The following ATP1A3 variants were observed in gnomAD, a reference collection of about 807,000 sequenced individuals.
ATP1A3 encodes the protein ATPase Na+/K+ transporting subunit alpha 3.
A neutral mutation model predicts 108.8 loss-of-function variants in ATP1A3; 12 were observed. The observed-to-expected ratio is 0.11, with a 90% CI of 0.07 to 0.18. The LOEUF (loss-of-function observed/expected upper bound fraction) is 0.18. Ranked by LOEUF, ATP1A3 falls within the 10% of genes least tolerant of loss-of-function variation. The pLI is 1.00. For synonymous variants in ATP1A3, 539 were observed against 564.5 expected (o/e 0.95, Z 0.64); for missense variants, 498 against 1,387.7 (o/e 0.36, Z 10.19).
At position 41,978,914 on chromosome 19, in the gene ATP1A3, C is replaced by T. The variant is rs976401564; in HGVS notation, c.1438-116G>A. ...GCCAGGATAGGCCCACACCAGGGCT[C>T]CCCCACACTCTCTCACAGAGACCTC... On this transcript the variant is annotated intron_variant, in intron 11 of 22. Coordinates refer to ENST00000648268, the MANE Select transcript of ATP1A3 (RefSeq NM_152296.5). The surrounding 1 kb of genome is among the most constrained non-coding windows in gnomAD (Gnocchi z 8.3). The T allele has an allele frequency of 1.1e-6, 1 of 901,588 alleles. No individual in the cohort carries two copies. The highest frequency in any genetic ancestry group is 1.7e-6 in the Non-Finnish European group (1 of 575,794). The allele number at this position is 901,588 out of a possible 1,614,324, so 55.8% of individuals were successfully genotyped here. A position where few individuals can be genotyped will look rare whatever the true frequency, so the allele number is the denominator to read the frequency against.
chr19:41,978,086 T>G lies in ATP1A3; in HGVS notation c.1807-14A>C, dbSNP rs1477588682. 5 of 1,614,218 alleles carry G rather than the reference T, an allele frequency of 3.1e-6. No homozygotes were observed. The African/African-American group carries it at 4.0e-5, about 13-fold the overall frequency. ...GACCATGATGACCTGCAGGCATTGTTTTTTAGGGATGGCCTCTCCCGCCCC... is the reference window on the plus strand; with the variant it reads ...GACCATGATGACCTGCAGGCATTGTGTTTTAGGGATGGCCTCTCCCGCCCC... On this transcript the variant is annotated splice_polypyrimidine_tract_variant and intron_variant, in intron 13 of 22. Coordinates refer to ENST00000648268, the MANE Select transcript of ATP1A3 (RefSeq NM_152296.5). This position sits in a 1 kb window ranked among gnomAD's most constrained non-coding sequence, Gnocchi z 8.3.
intron 14 of ATP1A3, among the ~76,000 whole-genome samples, chr19:41,977,305 A>G (rs752609145): frequency 2.4e-4 from 37 of 152,200 alleles, no homozygotes; most frequent in Non-Finnish European, 2.5e-4. Flanking sequence ...GATAGGAATT[A>G]TTAGTAGCCC....
At chr19:41,992,676 C>T (rs1050404964) in intron 1 of ATP1A3, among the ~76,000 whole-genome samples, 2 of 151,760 alleles carry the variant, frequency 1.3e-5, no homozygotes, top group Non-Finnish European at 2.9e-5. Context: ...CTCCATGTGT[C>T]TCAGCCATGT....
At chr19:41,993,313 C>G in intron 1 of ATP1A3, 1 of 1,401,200 alleles carries the variant, frequency 7.1e-7, no homozygotes, top group Non-Finnish European at 9.8e-7. Context: ...GACACAGAGG[C>G]AAGGACACAG....
chr19:41,986,019 G>T (rs782396015), intron 5 of ATP1A3, 21 bp from the exon 6 acceptor site: 2 of 1,614,110 alleles, frequency 1.2e-6, no homozygotes, highest in Admixed American at 1.7e-5. Context: ...ATGGAGTAAT[G>T]TCACCTCCCA....
In ATP1A3 at chr19:41,988,266, C is replaced by T. The variant is rs2075304729; in HGVS notation, c.153+52G>A. 1 of 1,613,586 alleles carries T rather than the reference C, an allele frequency of 6.2e-7. No homozygotes were observed. Among genetic ancestry groups the T allele is most frequent in the Admixed American group, 1.7e-5 (1 of 60,010 alleles). ...TCCCTCAGACCCAGGGGTCCTAGCC[C>T]CCAGCTCCTCCTCCCTAGTTCCCAG... On this transcript the variant is annotated intron_variant, in intron 3 of 22. Coordinates refer to ENST00000648268, the MANE Select transcript of ATP1A3 (RefSeq NM_152296.5). This position sits in a 1 kb window ranked among gnomAD's most constrained non-coding sequence, Gnocchi z 5.3.
rs1439299124 is a variant in ATP1A3, at chr19:41,967,319, G to A, written c.2943C>T (p.Ala981=). ...YPLKPSWWFC[A]FPYSFLIFVY... ...CGAAGATGAGGAAACTGTAGGGGAA[G>A]GCACAGAACCACCAGCTGGGCCTGC... is the stretch of plus-strand genomic sequence containing the variant. Residue 981 remains alanine (A), a synonymous_variant, in exon 22 of 23, where the codon GCC becomes GCT. Coordinates refer to ENST00000648268, the MANE Select transcript of ATP1A3 (RefSeq NM_152296.5). This position sits in a 1 kb window ranked among gnomAD's most constrained non-coding sequence, Gnocchi z 4.2. The A allele has an allele frequency of 5.7e-5, 91 of 1,610,532 alleles. No homozygotes were observed. Among genetic ancestry groups the A allele is most frequent in the Non-Finnish European group, 7.5e-5 (89 of 1,180,016 alleles).
At position 41,977,928 on chromosome 19, in the gene ATP1A3, T is replaced by A; in HGVS notation, c.1943+8A>T. The A allele has an allele frequency of 1.9e-6, 3 of 1,613,970 alleles. No homozygotes were observed. The highest frequency in any genetic ancestry group is 1.1e-5 in the South Asian group (1 of 91,074). On this transcript the variant is annotated splice_region_variant and intron_variant, in intron 14 of 22. Coordinates refer to ENST00000648268, the MANE Select transcript of ATP1A3 (RefSeq NM_152296.5). The stretch of plus-strand genomic sequence containing the variant: ...TGTCCAGGGCCCTGGCTGGGATGGG[T>A]GGCTCACCGGGGGTTAACCTGGCTG...
In ATP1A3 at chr19:41,988,065, G is replaced by T. The variant is rs782395510; in HGVS notation, c.228C>A (p.Thr76=). 9 of 1,614,060 alleles carry T rather than the reference G, an allele frequency of 5.6e-6. No homozygotes were observed. In the South Asian group the frequency reaches 9.9e-5, roughly 18 times the overall value. The change falls in exon 4 of 23, where the codon ACC becomes ACA. Residue 76 remains threonine, a synonymous_variant. Coordinates refer to ENST00000648268, the MANE Select transcript of ATP1A3 (RefSeq NM_152296.5). The surrounding 1 kb of genome is among the most constrained non-coding windows in gnomAD (Gnocchi z 5.3). ...GCCGGCAAAACTTGACCCACTCTGG[G>T]GTGGTAGGCGGTGGCGTGAGTGCGT... ...GPNALTPPPT[T]PEWVKFCRQL...
Position 41,981,555 on chromosome 19 carries a change from C to T in ATP1A3, c.1384G>A (p.Glu462Lys), listed in dbSNP as rs2075231792. 4 of 1,614,192 alleles carry T rather than the reference C, an allele frequency of 2.5e-6. No homozygotes were observed. Among genetic ancestry groups the T allele is most frequent in the Non-Finnish European group, 3.4e-6 (4 of 1,180,044 alleles). ...LSSGSVKLMR[E>K]RNKKVAEIPF... ...ATCTCAGCCACTTTCTTGTTGCGTTCACGCATCAGCTTCACGGAGCCAGAG... is the reference window on the plus strand; with the variant it reads ...ATCTCAGCCACTTTCTTGTTGCGTTTACGCATCAGCTTCACGGAGCCAGAG... Residue 462 changes from glutamate (E) to lysine (K), a missense_variant, in exon 11 of 23, where the codon GAA becomes AAA. By Grantham distance (56) the Glu-to-Lys change is moderately conservative (BLOSUM62 1). Around this residue, in one of 9 missense-constraint regions of ATP1A3, gnomAD observed 92 missense variants for 168.7 expected, o/e 0.55. Coordinates refer to ENST00000648268, the MANE Select transcript of ATP1A3 (RefSeq NM_152296.5). This position sits in a 1 kb window ranked among gnomAD's most constrained non-coding sequence, Gnocchi z 5.0.
At chr19:41,974,680 G>A (rs1464417194) in intron 16 of ATP1A3, among the ~76,000 whole-genome samples, 1 of 152,226 alleles carries the variant, frequency 6.6e-6, no homozygotes, top group Non-Finnish European at 1.5e-5. Context: ...TCTGGATGGC[G>A]AGGTTACGGG....
chr19:41,966,860 CA>C lies in ATP1A3; in HGVS notation c.*76del. On this transcript the variant is annotated 3_prime_UTR_variant, in exon 23 of 23. Coordinates refer to ENST00000648268, the MANE Select transcript of ATP1A3 (RefSeq NM_152296.5). ...AGAGAGGGCTCCTCCCCCCAGAATACAAAATTGGGGGGACTGACAGGGGCGG... is the reference window on the plus strand; with the variant it reads ...AGAGAGGGCTCCTCCCCCCAGAATACAAATTGGGGGGACTGACAGGGGCGG... The C allele has an allele frequency of 6.5e-7, 1 of 1,547,464 alleles. No homozygotes were observed. The highest frequency in any genetic ancestry group is 1.4e-5 in the African/African-American group (1 of 72,436).
At chr19:41,987,629 C>A (rs1437598601) in intron 4 of ATP1A3, among the ~76,000 whole-genome samples, 1 of 152,130 alleles carries the variant, frequency 6.6e-6, no homozygotes, top group Non-Finnish European at 1.5e-5. Flanking sequence ...GTGACACTCA[C>A]TCTGGGTATC....
chr19:41,975,944 G>C, intron 15 of ATP1A3, 147 bp from the exon 16 acceptor site: 1 of 1,137,922 alleles, frequency 8.8e-7, no homozygotes, highest in Non-Finnish European at 1.3e-6. Flanking sequence ...AGACCTAGGA[G>C]TTCAGGCCTC....
intron 11 of ATP1A3, among the ~76,000 whole-genome samples, chr19:41,980,968 C>T (rs1328714755): frequency 1.1e-4 from 16 of 151,124 alleles, no homozygotes; most frequent in Admixed American, 6.6e-4. Flanking sequence ...CAAGAGGTCT[C>T]CTGCTTGTTC....
In ATP1A3 at chr19:41,967,352, A is replaced by G; in HGVS notation, c.2922-12T>C. On this transcript the variant is annotated splice_polypyrimidine_tract_variant and intron_variant, in intron 21 of 22. Transcript: ENST00000648268. This position sits in a 1 kb window ranked among gnomAD's most constrained non-coding sequence, Gnocchi z 4.2. ...ACCACCAGCTGGGCCTGCAGAGGGG[A>G]GAGCAGGAGGGCTTGAGTGCGGGGC... 3 of 1,604,628 alleles carry G rather than the reference A, an allele frequency of 1.9e-6. No individual in the cohort carries two copies. Among genetic ancestry groups the G allele is most frequent in the Non-Finnish European group, 2.5e-6 (3 of 1,179,732 alleles).
intron 8 of ATP1A3, 114 bp downstream of exon 8, chr19:41,984,804 T>C: frequency 8.3e-7 from 1 of 1,200,770 alleles, no homozygotes; most frequent in Admixed American, 2.6e-5. Context: ...GGTCCAGGCC[T>C]CTAGCCCCTC....
intron 1 of ATP1A3, 69 bp downstream of exon 1, chr19:41,994,002 C>G (rs2075364413): frequency 6.3e-7 from 1 of 1,598,662 alleles, no homozygotes; most frequent in East Asian, 2.3e-5. Flanking sequence ...CCCCGCCCCC[C>G]GCGCACACCC....
At chr19:41,987,476 C>T (rs1018051652) in intron 4 of ATP1A3, among the ~76,000 whole-genome samples, 1 of 152,128 alleles carries the variant, frequency 6.6e-6, no homozygotes, top group Admixed American at 6.6e-5. Context: ...TGTGCACACA[C>T]GCCTACCCAG....
Sources: allele counts gnomAD v4.1 joint callset (sites outside exome capture counted in the v4.1 genomes callset), GRCh38; gene constraint gnomAD v4.1.1; regional missense constraint gnomAD v4.1.1; non-coding constraint Gnocchi (gnomAD v3.1); transcripts MANE v1.5; gene names NCBI Gene and HGNC (gene_info 2026-07-23, HGNC 2026-07-21).